MED1: variants seen among roughly 807,000 people sequenced by gnomAD.
MED1 encodes the protein mediator complex subunit 1.
Under a neutral mutation model 121.3 loss-of-function variants are expected in MED1, and 17 were observed. The ratio of observed to expected loss-of-function variants is 0.14; its 90% CI spans 0.10 to 0.21. The LOEUF is 0.21. Ranked by LOEUF, MED1 falls within the 10% of genes least tolerant of loss-of-function variation. MED1 has a pLI of 1.00. For missense variants in MED1, 1,558 were observed against 1,919.4 expected (o/e 0.81, Z 3.52); for synonymous variants, 661 against 694.4 (o/e 0.95, Z 0.76).
intron 16 of MED1, among the ~76,000 whole-genome samples, chr17:39,412,206 A>G (rs1475879227): frequency 6.6e-6 from 1 of 150,922 alleles, no homozygotes; most frequent in Non-Finnish European, 1.5e-5. Flanking sequence ...GCTCTAGAAC[A>G]TATGTCAGCA....
At position 39,405,169 on chromosome 17, in the gene MED1, C is replaced by T. The variant is rs1033564515; in HGVS notation, c.*2306G>A. On this transcript the variant is annotated 3_prime_UTR_variant, in exon 17 of 17. Coordinates refer to ENST00000300651, the MANE Select transcript of MED1 (RefSeq NM_004774.4). ...CACCCTGTGGAGAAATGCAGTGCTC[C>T]CTGGTTCTCAGGCAGGGTGAAGCAG... The T allele has an allele frequency of 2.3e-5, 35 of 1,516,232 alleles. No individual in the cohort carries two copies. Among genetic ancestry groups the T allele is most frequent in the Middle Eastern group, 2.3e-4 (1 of 4,374 alleles). The allele number at this position is 1,516,232 out of a possible 1,614,324, so 93.9% of individuals were successfully genotyped here.
Position 39,427,725 on chromosome 17 carries a change from G to A in MED1, c.715C>T (p.Pro239Ser). Residue 239 changes from proline to serine, a missense_variant, in exon 10 of 17, where the codon CCC (proline) becomes TCC (serine). By Grantham distance (74) the Pro-to-Ser change is moderately conservative. Coordinates refer to ENST00000300651, the MANE Select transcript of MED1 (RefSeq NM_004774.4). Reference protein sequence around the residue: ...SDLLDDKTASPIILHENNVSR... With the variant: ...SDLLDDKTASSIILHENNVSR... The stretch of plus-strand genomic sequence containing the variant: ...CCATTATTCTCATGCAAAATGATGG[G>A]AGATGCAGTCTTGTCATCCAGTAGG... The A allele has an allele frequency of 1.9e-6, 3 of 1,601,800 alleles. No individual in the cohort carries two copies. The highest frequency in any genetic ancestry group is 2.6e-6 in the Non-Finnish European group (3 of 1,169,280).
chr17:39,441,362 C>A (rs1042227235), intron 3 of MED1, among the ~76,000 whole-genome samples: 4 of 152,134 alleles, frequency 2.6e-5, no homozygotes, highest in African/African-American at 9.7e-5. Context: ...TGAAGTTTTA[C>A]AGATGGACAG....
In MED1 at chr17:39,404,917, A is replaced by G. The variant is rs960795430; in HGVS notation, c.*2558T>C. 7 of 139,574 alleles carry G rather than the reference A, an allele frequency of 5.0e-5. No homozygotes were observed. Among genetic ancestry groups the G allele is most frequent in the Non-Finnish European group, 8.7e-5 (6 of 68,892 alleles). 8.6% of individuals were successfully genotyped at this position (139,574 alleles called of 1,614,324 possible). A position where few individuals can be genotyped will look rare whatever the true frequency, so the allele number is the denominator to read the frequency against. On this transcript the variant is annotated 3_prime_UTR_variant, in exon 17 of 17. Transcript: ENST00000300651. ...TCTGTTTTAAGACACATTGATATTGAACCTGAAATCTTTATGTACATCAGA... is the reference window on the plus strand; with the variant it reads ...TCTGTTTTAAGACACATTGATATTGGACCTGAAATCTTTATGTACATCAGA...
chr17:39,421,238 C>CAA (rs760121026), intron 13 of MED1, among the ~76,000 whole-genome samples: 13 of 64,906 alleles, frequency 2.0e-4, no homozygotes, highest in African/African-American at 5.8e-4. Context: ...GCACCAAGAG[C>CAA]AAAAAAAAAA....
At position 39,408,303 on chromosome 17, in the gene MED1, G is replaced by A. The variant is rs1462029744; in HGVS notation, c.3918C>T (p.Val1306=). The change falls in exon 17 of 17, where the codon GTC becomes GTT. Residue 1306 remains valine, a synonymous_variant. Coordinates refer to ENST00000300651, the MANE Select transcript of MED1 (RefSeq NM_004774.4). The surrounding 1 kb of genome is among the most constrained non-coding windows in gnomAD (Gnocchi z 4.7). ...CAACCCCATGCTTCAGTTTATCTAT[G>A]ACAGCTGTCAAGGACGGCTTCTTGT... ...SRNKKPSLTA[V]IDKLKHGVVT... 1 of 1,614,132 alleles carries A rather than the reference G, an allele frequency of 6.2e-7. No homozygotes were observed. The highest frequency in any genetic ancestry group is 1.7e-5 in the Admixed American group (1 of 60,018).
In MED1 at chr17:39,409,536, G is replaced by A. The variant is rs1399314101; in HGVS notation, c.2685C>T (p.Phe895=). The change falls in exon 17 of 17, where the codon TTC becomes TTT. Residue 895 remains phenylalanine (F), a synonymous_variant. Transcript: ENST00000300651. ...TTAGTGCCTGAGATGCAAATCCTTT[G>A]AAATCATCATTATCCCCACTTTGGC... ...ESSQSGDNDD[F]KGFASQALNT... 6.2e-7 allele frequency: 1 copy of A among 1,613,990 alleles called. No individual in the cohort carries two copies. Among genetic ancestry groups the A allele is most frequent in the East Asian group, 2.2e-5 (1 of 44,900 alleles).
At chr17:39,422,806 A>AT (rs2048478879) in intron 13 of MED1, among the ~76,000 whole-genome samples, 1 of 147,498 alleles carries the variant, frequency 6.8e-6, no homozygotes, top group African/African-American at 2.5e-5. Context: ...AGAACTGTAC[A>AT]TTGTTGTTTC....
chr17:39,440,736 C>A lies in MED1; in HGVS notation c.212-59G>T. ...TGCTCCAAATGACTTAAATGATATT[C>A]TTTTAAGACAGAAAGATTCATCCTT... On this transcript the variant is annotated intron_variant, in intron 3 of 16. Coordinates refer to ENST00000300651, the MANE Select transcript of MED1 (RefSeq NM_004774.4). The surrounding 1 kb of genome is among the most constrained non-coding windows in gnomAD (Gnocchi z 4.1). 2 of 1,447,974 alleles carry A rather than the reference C, an allele frequency of 1.4e-6. No individual in the cohort carries two copies. Among genetic ancestry groups the A allele is most frequent in the Non-Finnish European group, 1.9e-6 (2 of 1,045,836 alleles). The allele number at this position is 1,447,974 out of a possible 1,614,324, so 89.7% of individuals were successfully genotyped here.
At chr17:39,443,768 A>G (rs1236124048) in intron 2 of MED1, 140 bp from the exon 3 acceptor site, 1 of 638,814 alleles carries the variant, frequency 1.6e-6, no homozygotes, top group African/African-American at 1.8e-5. Flanking sequence ...TAGACTATAT[A>G]GAGTAACACT....
chr17:39,409,960 T>C lies in MED1; in HGVS notation c.2261A>G (p.Gln754Arg), dbSNP rs760187879. The C allele has an allele frequency of 6.2e-7, 1 of 1,613,996 alleles. No individual in the cohort carries two copies. Among genetic ancestry groups the C allele is most frequent in the South Asian group, 1.1e-5 (1 of 91,068 alleles). ...QCSTPPTTYPQPVPHPQPSIQ... is the reference protein window; with the variant it reads ...QCSTPPTTYPRPVPHPQPSIQ... ...ACTGGGTTGGGGGTGAGGTACTGGT[T>C]GTGGGTAAGTTGTTGGGGGAGTGCT... The change falls in exon 17 of 17, where the codon CAA becomes CGA. Residue 754 changes from glutamine to arginine, a missense_variant. This residue lies in a region of MED1 where 793 missense variants were observed against 898.2 expected (regional missense o/e 0.88). Transcript: ENST00000300651.
Position 39,405,640 on chromosome 17 carries a change from AT to A in MED1, c.*1834del. On this transcript the variant is annotated 3_prime_UTR_variant, in exon 17 of 17. Transcript: ENST00000300651. ...GTGTCACCCAAGACATTTGACTCTG[AT>A]GTGGTTAATTGATAACTTTTCTTGC... 1.7e-5 allele frequency: 18 copies of A among 1,067,964 alleles called. No individual in the cohort carries two copies. The highest frequency in any genetic ancestry group is 1.9e-5 in the Non-Finnish European group (17 of 882,666). 66.2% of individuals were successfully genotyped at this position (1,067,964 alleles called of 1,614,324 possible).
chr17:39,410,457 C>G lies in MED1; in HGVS notation c.1764G>C (p.Ser588=), dbSNP rs755797231. 1 of 1,613,860 alleles carries G rather than the reference C, an allele frequency of 6.2e-7. No homozygotes were observed. ...MSMSIKDRHE[S]VGHGEDFSKV... is the part of the protein sequence containing the mutation. Reference sequence around the variant, plus strand: ...TGCTGAAGTCCTCCCCATGGCCCACCGACTCATGCCGATCTTTGATGCTCA... The same window carrying G: ...TGCTGAAGTCCTCCCCATGGCCCACGGACTCATGCCGATCTTTGATGCTCA... Residue 588 remains serine, a synonymous_variant, in exon 17 of 17, where the codon TCG becomes TCC. Coordinates refer to ENST00000300651, the MANE Select transcript of MED1 (RefSeq NM_004774.4).
chr17:39,419,582 G>T, intron 14 of MED1, 135 bp downstream of exon 14: 2 of 823,652 alleles, frequency 2.4e-6, no homozygotes, highest in Admixed American at 2.9e-5. Flanking sequence ...TAATTTGCTT[G>T]ATTTTTATGC....
chr17:39,414,484 C>T (rs34627893), intron 16 of MED1, among the ~76,000 whole-genome samples: 94,702 of 150,494 alleles, frequency 0.63, 32,485 homozygotes, highest in South Asian at 0.89. Flanking sequence ...TACAGGCGCC[C>T]GCCACCATGC....
At chr17:39,443,506 T>C (rs563562112) in intron 3 of MED1, 44 bp downstream of exon 3, 1 of 1,538,410 alleles carries the variant, frequency 6.5e-7, no homozygotes, top group South Asian at 1.1e-5. Context: ...CTTCTTGAAC[T>C]GGGGGTTTTG....
In MED1 at chr17:39,442,713, C is replaced by A. The variant is rs1164074342; in HGVS notation, c.211+837G>T. Among the ~76,000 whole-genome samples the A allele has an allele frequency of 1.0e-4, 15 of 150,750 alleles. No homozygotes were observed. The Admixed American group carries it at 1.0e-3, about 10-fold the overall frequency. On this transcript the variant is annotated intron_variant, in intron 3 of 16. Transcript: ENST00000300651. ...CCTGAGGTCAAGAGATCGAGACCAG[C>A]CTGACCAACATGGAAAACCCTGTCT...
At chr17:39,429,973 C>T (rs2048550564) in intron 9 of MED1, among the ~76,000 whole-genome samples, 1 of 152,030 alleles carries the variant, frequency 6.6e-6, no homozygotes, top group African/African-American at 2.4e-5. Context: ...GTCCAAGCTA[C>T]TCAGGAAACT....
chr17:39,443,920 G>A (rs913798166), intron 2 of MED1, among the ~76,000 whole-genome samples: 5 of 152,084 alleles, frequency 3.3e-5, no homozygotes, highest in African/African-American at 1.2e-4. Context: ...CTTGAGTCCA[G>A]GAGTTCGAGA....
Sources: gnomAD v4.1 joint callset for allele counts (sites outside exome capture counted in the v4.1 genomes callset) on GRCh38, gnomAD v4.1.1 for gene constraint, gnomAD v4.1.1 regional missense constraint, Gnocchi (gnomAD v3.1) non-coding constraint, MANE v1.5 for transcripts, NCBI Gene and HGNC (gene_info 2026-07-23, HGNC 2026-07-21) for gene names.